The following CLIP1 variants were observed in gnomAD, a reference collection of about 807,000 sequenced individuals.
CLIP1 encodes the protein CAP-Gly domain containing linker protein 1, also known as CAP-Gly domain-containing linker protein 1.
Under a neutral mutation model 161.6 loss-of-function variants are expected in CLIP1, and 66 were observed. That is an observed-to-expected ratio of 0.41 (90% CI 0.33 to 0.50). CLIP1 has a LOEUF of 0.50. CLIP1 is among the 20% of genes least tolerant of loss of function. The pLI is 0.27. For missense variants in CLIP1, 1,376 were observed against 1,702.0 expected (o/e 0.81, Z 3.37); for synonymous variants, 598 against 626.2 (o/e 0.96, Z 0.67).
Position 122,311,100 on chromosome 12 carries a change from A to G in CLIP1, c.3474-1218T>C, listed in dbSNP as rs368376999. ...GATGCATATATATGAATCTCTCTCT[A>G]TATATGTATATATGTATATACATGC... On this transcript the variant is annotated intron_variant, in intron 19 of 25. Coordinates refer to ENST00000620786, the MANE Select transcript of CLIP1 (RefSeq NM_001247997.2). The surrounding 1 kb of genome is among the most constrained non-coding windows in gnomAD (Gnocchi z 4.3). Among the ~76,000 whole-genome samples, 1 of 152,146 alleles carries G rather than the reference A, an allele frequency of 6.6e-6. No homozygotes were observed. Among genetic ancestry groups the G allele is most frequent in the African/African-American group, 2.4e-5 (1 of 41,434 alleles).
At chr12:122,385,698 T>A (rs1483772541) in intron 1 of CLIP1, among the ~76,000 whole-genome samples, 1 of 152,080 alleles carries the variant, frequency 6.6e-6, no homozygotes, top group Non-Finnish European at 1.5e-5. Context: ...TCAGTGGATG[T>A]CGGCTGCAGG....
intron 21 of CLIP1, chr12:122,280,604 CA>C (rs1316343433): frequency 6.6e-6 from 1 of 152,154 alleles, no homozygotes; most frequent in African/African-American, 2.4e-5. Flanking sequence ...GGGAGTTTCT[CA>C]GTTTTGATGA....
At chr12:122,420,678 G>A (rs1441901508) in intron 1 of CLIP1, among the ~76,000 whole-genome samples, 1 of 151,932 alleles carries the variant, frequency 6.6e-6, no homozygotes, top group Non-Finnish European at 1.5e-5. Flanking sequence ...GTTCACACCT[G>A]TAATCCCAGC....
At chr12:122,280,565 C>T (rs58134429) in intron 21 of CLIP1, 12,057 of 152,160 alleles carry the variant, frequency 0.079, 578 homozygotes, top group African/African-American at 0.13. Context: ...AATGAAGTCC[C>T]TTGTTTCAGC....
At position 122,311,352 on chromosome 12, in the gene CLIP1, A is replaced by T. The variant is rs953327426; in HGVS notation, c.3474-1470T>A. Reference sequence around the variant, plus strand: ...CCACAGGAAGGAAAATAAAAACGACACATCAAGGAAGTAATCTAAAAGTGG... The same window carrying T: ...CCACAGGAAGGAAAATAAAAACGACTCATCAAGGAAGTAATCTAAAAGTGG... On this transcript the variant is annotated intron_variant, in intron 19 of 25. Coordinates refer to ENST00000620786, the MANE Select transcript of CLIP1 (RefSeq NM_001247997.2). The surrounding 1 kb of genome is among the most constrained non-coding windows in gnomAD (Gnocchi z 4.3). Among the ~76,000 whole-genome samples, 1 of 152,118 alleles carries T rather than the reference A, an allele frequency of 6.6e-6. No individual in the cohort carries two copies. Among genetic ancestry groups the T allele is most frequent in the Admixed American group, 6.6e-5 (1 of 15,262 alleles).
rs991260658 is a variant in CLIP1, at chr12:122,347,557, T to G, written c.1402-78A>C. ...CAGCACGAGAGGAGAGACAGCGGCA[T>G]GCAGGCTGAGCCACCAGTACCTTCT... On this transcript the variant is annotated intron_variant, in intron 9 of 25. Coordinates refer to ENST00000620786, the MANE Select transcript of CLIP1 (RefSeq NM_001247997.2). 2.7e-6 allele frequency: 3 copies of G among 1,117,634 alleles called. No homozygotes were observed. The African/African-American group carries it at 4.6e-5, about 17-fold the overall frequency. The allele number at this position is 1,117,634 out of a possible 1,614,324, so 69.2% of individuals were successfully genotyped here. A position where few individuals can be genotyped will look rare whatever the true frequency, so the allele number is the denominator to read the frequency against.
rs571685321 is a variant in CLIP1 at position 122,393,583 on chromosome 12, T to C, written c.-106-13025A>G. Among the ~76,000 whole-genome samples, 173 of 152,288 alleles carry C rather than the reference T, an allele frequency of 1.1e-3. 1 individual carries two copies. Among genetic ancestry groups the C allele is most frequent in the African/African-American group, 3.4e-3 (141 of 41,562 alleles). ...AAAGGGCATACACCTAGTGGACCCA[T>C]AAAGGGCTCTTAGTCTCTAAGAAAG... is the stretch of plus-strand genomic sequence containing the variant. On this transcript the variant is annotated intron_variant, in intron 1 of 25. Transcript: ENST00000620786.
chr12:122,371,292 C>T (rs1954436710), intron 3 of CLIP1, among the ~76,000 whole-genome samples: 1 of 152,104 alleles, frequency 6.6e-6, no homozygotes, highest in Non-Finnish European at 1.5e-5. Flanking sequence ...GGCATGGGCT[C>T]CTCAACACAG....
chr12:122,273,977 C>T, intron 25 of CLIP1, 61 bp downstream of exon 25: 1 of 1,525,726 alleles, frequency 6.6e-7, no homozygotes, highest in Non-Finnish European at 9.0e-7. Context: ...AAGTGGTCCG[C>T]CCGCCTCGGC....
In CLIP1 at chr12:122,278,960, A is replaced by C. The variant is rs766314040; in HGVS notation, c.3766-18T>G. ...ACTGTGACCTGAAACACAGTTGTTT[A>C]GCTTAGGCTGAGGGTTTGAACGAAA... On this transcript the variant is annotated intron_variant, in intron 22 of 25. Coordinates refer to ENST00000620786, the MANE Select transcript of CLIP1 (RefSeq NM_001247997.2). The C allele has an allele frequency of 6.2e-7, 1 of 1,605,932 alleles. No individual in the cohort carries two copies. The highest frequency in any genetic ancestry group is 1.7e-5 in the Admixed American group (1 of 58,790).
intron 17 of CLIP1, among the ~76,000 whole-genome samples, chr12:122,325,056 T>A (rs1212080189): frequency 5.0e-5 from 1 of 20,180 alleles, no homozygotes; most frequent in Non-Finnish European, 1.1e-4. Flanking sequence ...ATGATATAAT[T>A]TTTTTTTTTT....
intron 10 of CLIP1, 31 bp from the exon 11 acceptor site, chr12:122,341,728 C>A (rs756674047): frequency 1.3e-5 from 5 of 373,792 alleles, no homozygotes; most frequent in Non-Finnish European, 1.7e-5. Context: ...AAAAAAAGAT[C>A]ATTTAAATAA....
chr12:122,358,006 G>T (rs1270909273), intron 5 of CLIP1, among the ~76,000 whole-genome samples: 1 of 152,190 alleles, frequency 6.6e-6, no homozygotes, highest in Non-Finnish European at 1.5e-5. Flanking sequence ...AGGGGGGAAA[G>T]GTGGGGAAAA....
chr12:122,274,145 T>C lies in CLIP1; in HGVS notation c.3984A>G (p.Ser1328=). 2.5e-6 allele frequency: 4 copies of C among 1,598,950 alleles called. No homozygotes were observed. Among genetic ancestry groups the C allele is most frequent in the Non-Finnish European group, 3.4e-6 (4 of 1,166,430 alleles). ...AQESQIDFLN[S]VIVDLQRKNQ... ...TCTTCCTTTGAAGGTCCACTATTAC[T>C]GAATTTAGGAAATCAATCTGATTTG... Residue 1328 remains serine (S), a synonymous_variant, in exon 25 of 26, where the codon TCA becomes TCG. Transcript: ENST00000620786.
chr12:122,318,116 T>A (rs963492152), intron 18 of CLIP1, among the ~76,000 whole-genome samples: 2 of 152,258 alleles, frequency 1.3e-5, no homozygotes, highest in African/African-American at 4.8e-5. Flanking sequence ...CAAATGTTCA[T>A]CTCCTTTGAA....
At chr12:122,411,237 G>A (rs939355039) in intron 1 of CLIP1, among the ~76,000 whole-genome samples, 33 of 152,146 alleles carry the variant, frequency 2.2e-4, no homozygotes, top group South Asian at 6.2e-4. Context: ...GCAACATGGC[G>A]AAACCCTGTC....
chr12:122,295,307 T>C (rs2136358128), intron 20 of CLIP1, among the ~76,000 whole-genome samples: 1 of 151,738 alleles, frequency 6.6e-6, no homozygotes, highest in African/African-American at 2.4e-5. Flanking sequence ...GAGGCAGAGG[T>C]TGCAGTAAGC....
At chr12:122,358,330 A>G (rs1953596591) in intron 5 of CLIP1, among the ~76,000 whole-genome samples, 1 of 151,858 alleles carries the variant, frequency 6.6e-6, no homozygotes. Context: ...CTGCCTAGGA[A>G]AACCAGAGAC....
chr12:122,273,491 T>C (rs972652687), intron 25 of CLIP1, among the ~76,000 whole-genome samples: 1 of 152,168 alleles, frequency 6.6e-6, no homozygotes, highest in African/African-American at 2.4e-5. Flanking sequence ...CCCCAGGTGA[T>C]CTGCCCACCT....
Sources: gnomAD v4.1 joint callset for allele counts (sites outside exome capture counted in the v4.1 genomes callset) on GRCh38, gnomAD v4.1.1 for gene constraint, Gnocchi (gnomAD v3.1) non-coding constraint, MANE v1.5 for transcripts, NCBI Gene and HGNC (gene_info 2026-07-23, HGNC 2026-07-21) for gene names.